The following CPHXL2 variants were observed in gnomAD, a reference collection of about 807,000 sequenced individuals.
CPHXL2 encodes cytoplasmic polyadenylated homeobox like 2, also known as cytoplasmic polyadenylated homeobox-like protein 2.
At chr16:75,673,769 A>T in the CPHXL2 span, among the ~76,000 whole-genome samples, 2 of 151,796 alleles carry the variant, frequency 1.3e-5, no homozygotes, top group Admixed American at 6.6e-5. Flanking sequence ...GCTTGAGCTC[A>T]GGAGTTTGAG....
At chr16:75,670,795 C>G in the CPHXL2 span, among the ~76,000 whole-genome samples, 134 of 152,288 alleles carry the variant, frequency 8.8e-4, no homozygotes, top group African/African-American at 3.0e-3. Flanking sequence ...CCACGCCAGG[C>G]GTAAAATTTT....
the CPHXL2 span, among the ~76,000 whole-genome samples, chr16:75,675,110 A>G: frequency 7.1e-6 from 1 of 141,584 alleles, no homozygotes; most frequent in African/African-American, 2.6e-5. Context: ...AATCGCTTGA[A>G]CCCAGCAGGC....
chr16:75,669,514 G>C, the CPHXL2 span: 1 of 398,528 alleles, frequency 2.5e-6, no homozygotes, highest in Admixed American at 4.4e-5. Context: ...TTTTTTCTTT[G>C]TTTGTCTTTC....
At chr16:75,660,440 C>T in the CPHXL2 span, 2 of 398,594 alleles carry the variant, frequency 5.0e-6, no homozygotes, top group African/African-American at 2.1e-5. Context: ...GAGAGCACAA[C>T]GGCTTTCCAT....
the CPHXL2 span, among the ~76,000 whole-genome samples, chr16:75,666,039 C>G: frequency 2.0e-5 from 3 of 152,158 alleles, no homozygotes; most frequent in African/African-American, 7.2e-5. Context: ...TCAAGAGACT[C>G]ACCTAACATG....
At chr16:75,668,369 C>T in the CPHXL2 span, among the ~76,000 whole-genome samples, 1 of 151,974 alleles carries the variant, frequency 6.6e-6, no homozygotes, top group Admixed American at 6.6e-5. Flanking sequence ...GCTGAGATTA[C>T]AGGCACGCAC....
the CPHXL2 span, chr16:75,669,590 G>A: frequency 2.5e-6 from 1 of 398,534 alleles, no homozygotes; most frequent in Non-Finnish European, 4.4e-6. Context: ...AAGAGCATTG[G>A]AGAATATTGG....
the CPHXL2 span, among the ~76,000 whole-genome samples, chr16:75,671,361 CAAAA>C: frequency 3.2e-4 from 41 of 126,386 alleles, no homozygotes; most frequent in South Asian, 5.0e-4. Context: ...GACTCTGTAT[CAAAA>C]AAAAAAAAAA....
At chr16:75,672,960 T>C in the CPHXL2 span, among the ~76,000 whole-genome samples, 1 of 151,396 alleles carries the variant, frequency 6.6e-6, no homozygotes, top group Non-Finnish European at 1.5e-5. Flanking sequence ...CGTGCCTGTA[T>C]TCCTAGCTAC....
the CPHXL2 span, among the ~76,000 whole-genome samples, chr16:75,661,702 C>G: frequency 6.6e-6 from 1 of 152,022 alleles, no homozygotes; most frequent in Admixed American, 6.6e-5. Context: ...TTTTCTGATA[C>G]CATTTCTGTT....
At chr16:75,664,318 C>G in the CPHXL2 span, among the ~76,000 whole-genome samples, 1 of 152,134 alleles carries the variant, frequency 6.6e-6, no homozygotes, top group South Asian at 2.1e-4. Flanking sequence ...GTCTCAGATA[C>G]TTTTGTTTTA....
At chr16:75,671,841 G>A in the CPHXL2 span, among the ~76,000 whole-genome samples, 3 of 152,216 alleles carry the variant, frequency 2.0e-5, no homozygotes, top group Admixed American at 6.5e-5. Flanking sequence ...AAAGAGAGAG[G>A]AGGCAAGGTG....
chr16:75,675,837 G>T, the CPHXL2 span, among the ~76,000 whole-genome samples: 1 of 152,160 alleles, frequency 6.6e-6, no homozygotes, highest in Non-Finnish European at 1.5e-5. Context: ...CCAGCACTTT[G>T]GGAGACCGAG....
At chr16:75,671,611 A>G in the CPHXL2 span, among the ~76,000 whole-genome samples, 1 of 152,302 alleles carries the variant, frequency 6.6e-6, no homozygotes, top group East Asian at 1.9e-4. Flanking sequence ...GTGCCTTATA[A>G]AAATAGACAC....
chr16:75,667,250 T>C, the CPHXL2 span, among the ~76,000 whole-genome samples: 4 of 147,928 alleles, frequency 2.7e-5, no homozygotes, highest in African/African-American at 7.6e-5. Context: ...AGGTGGAGGT[T>C]GCAGTGAGCT....
the CPHXL2 span, among the ~76,000 whole-genome samples, chr16:75,662,045 G>A: frequency 6.6e-6 from 1 of 152,224 alleles, no homozygotes; most frequent in Admixed American, 6.5e-5. Context: ...TCAGATGCCA[G>A]TTGCAAGTCT....
the CPHXL2 span, among the ~76,000 whole-genome samples, chr16:75,671,961 C>T: frequency 6.6e-6 from 1 of 151,952 alleles, no homozygotes; most frequent in Non-Finnish European, 1.5e-5. Flanking sequence ...CATGCTGTCA[C>T]CTGGGACATG....
chr16:75,667,469 A>G, the CPHXL2 span, among the ~76,000 whole-genome samples: 1 of 152,204 alleles, frequency 6.6e-6, no homozygotes, highest in Non-Finnish European at 1.5e-5. Context: ...AATCTGCACT[A>G]TTACAGAACA....
chr16:75,674,039 GA>G, the CPHXL2 span, among the ~76,000 whole-genome samples: 1 of 141,332 alleles, frequency 7.1e-6, no homozygotes, highest in Non-Finnish European at 1.6e-5. Context: ...CCATCAAAAA[GA>G]CGAAAATACT....
Sources: gnomAD v4.1 joint callset for allele counts (sites outside exome capture counted in the v4.1 genomes callset) on GRCh38, gnomAD v4.1.1 for gene constraint, MANE v1.5 for transcripts, NCBI Gene and HGNC (gene_info 2026-07-23, HGNC 2026-07-21) for gene names.